The following FUT9 variants were observed in gnomAD, a reference collection of about 807,000 sequenced individuals.
FUT9 encodes the protein 4-galactosyl-N-acetylglucosaminide 3-alpha-L-fucosyltransferase 9.
Under a neutral mutation model 29.7 loss-of-function variants are expected in FUT9, and 15 were observed. The observed-to-expected ratio is 0.51, with a 90% CI of 0.34 to 0.78. The LOEUF is 0.78. Among genes scored for constraint, FUT9 ranks in the 30% least tolerant of loss-of-function variants. The pLI is 0.01. For missense variants in FUT9, 319 were observed against 425.4 expected, an observed-to-expected ratio of 0.75 and a Z score of 2.20; for synonymous variants, 169 against 153.7, an observed-to-expected ratio of 1.10 and a Z score of -0.74.
At chr6:96,086,382 T>A (rs1771317161) in intron 1 of FUT9, among the ~76,000 whole-genome samples, 1 of 152,232 alleles carries the variant, frequency 6.6e-6, no homozygotes, top group Non-Finnish European at 1.5e-5. Context: ...GCTTTACACC[T>A]AGCAGTTATT....
chr6:96,193,427 A>G (rs1317804660), intron 2 of FUT9, among the ~76,000 whole-genome samples: 1 of 140,022 alleles, frequency 7.1e-6, no homozygotes, highest in African/African-American at 2.6e-5. Flanking sequence ...GAAGACATTT[A>G]TGCAGCCAAA....
intron 1 of FUT9, among the ~76,000 whole-genome samples, chr6:96,027,229 C>A (rs1325067): frequency 0.35 from 53,553 of 151,374 alleles, 10,051 homozygotes; most frequent in Non-Finnish European, 0.43. Context: ...GAGAGCCTCA[C>A]AAAATTAAAT....
At chr6:96,195,795 T>C (rs1773613995) in intron 2 of FUT9, among the ~76,000 whole-genome samples, 1 of 152,134 alleles carries the variant, frequency 6.6e-6, no homozygotes, top group Non-Finnish European at 1.5e-5. Context: ...AGCCACCCAA[T>C]TTAAATTATA....
intron 1 of FUT9, among the ~76,000 whole-genome samples, chr6:96,111,723 T>C (rs1771811752): frequency 6.6e-6 from 1 of 152,148 alleles, no homozygotes; most frequent in Admixed American, 6.5e-5. Context: ...CCGAATCAGA[T>C]GTTGGATGGT....
intron 2 of FUT9, among the ~76,000 whole-genome samples, chr6:96,197,007 A>G (rs1349168128): frequency 2.6e-5 from 4 of 152,086 alleles, no homozygotes; most frequent in Non-Finnish European, 5.9e-5. Context: ...TCTAGTTTCT[A>G]CTGCTTGCTT....
chr6:96,200,776 A>C (rs1480511083), intron 2 of FUT9, among the ~76,000 whole-genome samples: 1 of 152,156 alleles, frequency 6.6e-6, no homozygotes, highest in Non-Finnish European at 1.5e-5. Flanking sequence ...CAATGAAAAG[A>C]GACCCTTTCA....
Position 96,207,315 on chromosome 6 carries a change from C to T in FUT9, c.*3080C>T, listed in dbSNP as rs1425232460. On this transcript the variant is annotated 3_prime_UTR_variant, in exon 3 of 3. Coordinates refer to ENST00000302103, the MANE Select transcript of FUT9 (RefSeq NM_006581.4). ...ATCCTATCTTTCTTTATCCCACTTT[C>T]TTTTCAATCGCATTCATAACTTATT... 1 of 166,940 alleles carries T rather than the reference C, an allele frequency of 6.0e-6. No individual in the cohort carries two copies. Among genetic ancestry groups the T allele is most frequent in the Non-Finnish European group, 1.5e-5 (1 of 68,078 alleles). 10.3% of individuals were successfully genotyped at this position (166,940 alleles called of 1,614,324 possible).
chr6:96,026,665 G>A (rs554301121), intron 1 of FUT9, among the ~76,000 whole-genome samples: 11 of 151,682 alleles, frequency 7.3e-5, no homozygotes, highest in Non-Finnish European at 1.2e-4. Context: ...AAGGTGCAAT[G>A]CTGCTTTAAT....
intron 2 of FUT9, among the ~76,000 whole-genome samples, chr6:96,142,503 C>G (rs562440925): frequency 6.6e-6 from 1 of 152,058 alleles, no homozygotes; most frequent in Non-Finnish European, 1.5e-5. Context: ...GATCAGAATC[C>G]GGACAGACTT....
intron 1 of FUT9, among the ~76,000 whole-genome samples, chr6:96,063,051 T>C (rs984730589): frequency 6.6e-6 from 1 of 152,184 alleles, no homozygotes; most frequent in Non-Finnish European, 1.5e-5. Context: ...AACCTCCTCG[T>C]AAATGAACTA....
chr6:96,073,550 T>C (rs1051406488), intron 1 of FUT9, among the ~76,000 whole-genome samples: 6 of 151,876 alleles, frequency 4.0e-5, no homozygotes, highest in South Asian at 4.2e-4. Flanking sequence ...TAGTATTCAA[T>C]AGGATATAGG....
At chr6:96,091,668 G>C (rs1771413818) in intron 1 of FUT9, among the ~76,000 whole-genome samples, 1 of 152,056 alleles carries the variant, frequency 6.6e-6, no homozygotes, top group Non-Finnish European at 1.5e-5. Context: ...GAAACGGACT[G>C]AGTGAGAAAG....
At chr6:96,136,033 C>T (rs11967141) in intron 2 of FUT9, among the ~76,000 whole-genome samples, 25,065 of 150,598 alleles carry the variant, frequency 0.17, 2,240 homozygotes, top group Non-Finnish European at 0.2. Flanking sequence ...AATAGACTTC[C>T]TTAGCAAGAT....
rs924385871 is a variant in FUT9 at position 96,211,261 on chromosome 6, T to C, written c.*7026T>C. On this transcript the variant is annotated 3_prime_UTR_variant, in exon 3 of 3. Coordinates refer to ENST00000302103, the MANE Select transcript of FUT9 (RefSeq NM_006581.4). ...ATATATATACCATTTCTTAAGATAA[T>C]TGGAACTCAAGCAGTCCTAATTTTC... 1 of 166,728 alleles carries C rather than the reference T, an allele frequency of 6.0e-6. No homozygotes were observed. The allele number at this position is 166,728 out of a possible 1,614,324, so 10.3% of individuals were successfully genotyped here. A position where few individuals can be genotyped will look rare whatever the true frequency, so the allele number is the denominator to read the frequency against.
chr6:96,171,683 G>T (rs536997106), intron 2 of FUT9, among the ~76,000 whole-genome samples: 2 of 152,176 alleles, frequency 1.3e-5, no homozygotes, highest in African/African-American at 4.8e-5. Flanking sequence ...TTAACCTAAA[G>T]TATGTAAAAA....
chr6:96,205,375 C>T lies in FUT9; in HGVS notation c.*1140C>T, dbSNP rs1773809692. ...CATTTGTTGGATGAATAAATAAATG[C>T]AATTGAATTCCCAGAAAAATGATTG... On this transcript the variant is annotated 3_prime_UTR_variant, in exon 3 of 3. Coordinates refer to ENST00000302103, the MANE Select transcript of FUT9 (RefSeq NM_006581.4). 1 of 166,910 alleles carries T rather than the reference C, an allele frequency of 6.0e-6. No homozygotes were observed. Among genetic ancestry groups the T allele is most frequent in the African/African-American group, 2.4e-5 (1 of 41,396 alleles). 10.3% of individuals were successfully genotyped at this position (166,910 alleles called of 1,614,324 possible).
chr6:96,176,924 A>G (rs537727826), intron 2 of FUT9, among the ~76,000 whole-genome samples: 13 of 152,122 alleles, frequency 8.5e-5, no homozygotes, highest in Non-Finnish European at 1.8e-4. Flanking sequence ...ACTTCATCAC[A>G]TTATGGCAAT....
At chr6:96,019,404 T>C (rs1770032322) in intron 1 of FUT9, among the ~76,000 whole-genome samples, 1 of 152,058 alleles carries the variant, frequency 6.6e-6, no homozygotes, top group Admixed American at 6.6e-5. Context: ...TTTTTATTTA[T>C]AAATTCATGT....
At chr6:96,187,206 C>T (rs1773420904) in intron 2 of FUT9, among the ~76,000 whole-genome samples, 1 of 152,078 alleles carries the variant, frequency 6.6e-6, no homozygotes, top group Admixed American at 6.6e-5. Flanking sequence ...CTATCATTAG[C>T]AGATAGAGGA....
Sources: allele counts gnomAD v4.1 joint callset (sites outside exome capture counted in the v4.1 genomes callset), GRCh38; gene constraint gnomAD v4.1.1; transcripts MANE v1.5; gene names NCBI Gene and HGNC (gene_info 2026-07-23, HGNC 2026-07-21).